CTNNBIP1: variants seen among roughly 807,000 people sequenced by gnomAD.
CTNNBIP1 encodes the protein catenin beta interacting protein 1, also known as beta-catenin-interacting protein 1.
A neutral mutation model predicts 11.8 loss-of-function variants in CTNNBIP1; 7 were observed. The ratio of observed to expected loss-of-function variants is 0.60; its 90% CI spans 0.34 to 1.12. The LOEUF (loss-of-function observed/expected upper bound fraction) is 1.12, where lower values mean the gene tolerates loss of function less well. Among genes scored for constraint, CTNNBIP1 ranks in the 50% most tolerant of loss-of-function variants. The probability of loss-of-function intolerance (pLI) is 0.03; values close to 1 mark genes in which losing one functional copy is unlikely to be tolerated. For synonymous variants in CTNNBIP1, 58 were observed against 43.9 expected (o/e 1.32, Z -1.26); for missense variants, 101 against 113.4 (o/e 0.89, Z 0.50).
chr1:9,894,033 C>G (rs1439219473), intron 1 of CTNNBIP1, among the ~76,000 whole-genome samples: 1 of 152,166 alleles, frequency 6.6e-6, no homozygotes, highest in Admixed American at 6.5e-5. Flanking sequence ...AAATCAATTC[C>G]AGATGGAACA....
At chr1:9,893,639 T>C (rs889786975) in intron 1 of CTNNBIP1, among the ~76,000 whole-genome samples, 1 of 152,090 alleles carries the variant, frequency 6.6e-6, no homozygotes, top group African/African-American at 2.4e-5. Context: ...TGGAAGAGGG[T>C]TAATTACACG....
In CTNNBIP1 at chr1:9,851,531, C is replaced by T. The variant is rs947522647; in HGVS notation, c.188-755G>A. Among the ~76,000 whole-genome samples, 2 of 152,000 alleles carry T rather than the reference C, an allele frequency of 1.3e-5. No homozygotes were observed. Among genetic ancestry groups the T allele is most frequent in the Non-Finnish European group, 2.9e-5 (2 of 68,006 alleles). ...GATTACAGGTGTGCATCACCACGCCCGGCTAATTTTTTTGTATTTTTAGTA... is the reference window on the plus strand; with the variant it reads ...GATTACAGGTGTGCATCACCACGCCTGGCTAATTTTTTTGTATTTTTAGTA... On this transcript the variant is annotated intron_variant, in intron 5 of 5. Transcript: ENST00000377263. The surrounding 1 kb of genome is among the most constrained non-coding windows in gnomAD (Gnocchi z 4.8).
chr1:9,871,235 C>T lies in CTNNBIP1; in HGVS notation c.139G>A (p.Val47Met). The change falls in exon 5 of 6, where the codon GTG (valine) becomes ATG (methionine). Residue 47 changes from valine to methionine, a missense_variant. Val to Met is a conservative substitution (Grantham distance 21, BLOSUM62 1). Coordinates refer to ENST00000377263, the MANE Select transcript of CTNNBIP1 (RefSeq NM_020248.3). The surrounding 1 kb of genome is among the most constrained non-coding windows in gnomAD (Gnocchi z 5.2). ...EEEFLRTYAG[V>M]VNSQLSQLPP... ...AGCTGGCTGAGCTGGCTGTTGACCA[C>T]CCCTGCATAGGTGCGCAGGAACTCC... The T allele has an allele frequency of 6.3e-7, 1 of 1,582,078 alleles. No homozygotes were observed. Among genetic ancestry groups the T allele is most frequent in the South Asian group, 1.2e-5 (1 of 86,028 alleles).
intron 5 of CTNNBIP1, among the ~76,000 whole-genome samples, chr1:9,865,694 G>A (rs551835858): frequency 2.7e-4 from 41 of 152,332 alleles, no homozygotes; most frequent in African/African-American, 8.9e-4. Flanking sequence ...ATGTATGCAT[G>A]TTTGTGAAAG....
chr1:9,863,179 C>A (rs1390308167), intron 5 of CTNNBIP1, among the ~76,000 whole-genome samples: 1 of 152,198 alleles, frequency 6.6e-6, no homozygotes, highest in East Asian at 1.9e-4. Flanking sequence ...GCACATTCCT[C>A]GCTTTTCTTG....
At chr1:9,906,305 C>T (rs554175485) in intron 1 of CTNNBIP1, among the ~76,000 whole-genome samples, 97 of 152,248 alleles carry the variant, frequency 6.4e-4, no homozygotes, top group African/African-American at 2.3e-3. Flanking sequence ...CGCCTGTAAT[C>T]CCAACACTTT....
At chr1:9,852,027 T>C (rs1001470446) in intron 5 of CTNNBIP1, among the ~76,000 whole-genome samples, 5 of 152,184 alleles carry the variant, frequency 3.3e-5, no homozygotes, top group African/African-American at 4.8e-5. Context: ...TCTGTGCTAC[T>C]GCAGGTATTC....
At chr1:9,903,403 C>A (rs1639559172) in intron 1 of CTNNBIP1, among the ~76,000 whole-genome samples, 1 of 152,214 alleles carries the variant, frequency 6.6e-6, no homozygotes, top group Admixed American at 6.5e-5. Flanking sequence ...AATGGAGCCA[C>A]AGGTATGACC....
intron 1 of CTNNBIP1, among the ~76,000 whole-genome samples, chr1:9,888,230 A>G (rs1639225249): frequency 6.6e-6 from 1 of 152,028 alleles, no homozygotes; most frequent in Non-Finnish European, 1.5e-5. Flanking sequence ...CAGGAGTTTG[A>G]GCCTGGGCAA....
intron 5 of CTNNBIP1, among the ~76,000 whole-genome samples, chr1:9,866,936 AAG>A (rs1158408736): frequency 1.3e-5 from 2 of 152,048 alleles, no homozygotes; most frequent in Non-Finnish European, 2.9e-5. Context: ...GTTCCTGAGG[AAG>A]AGAGGAGTCG....
At chr1:9,861,194 C>T (rs897052940) in intron 5 of CTNNBIP1, among the ~76,000 whole-genome samples, 15 of 152,236 alleles carry the variant, frequency 9.9e-5, no homozygotes, top group African/African-American at 3.4e-4. Context: ...TTAATACCAA[C>T]TAGCATCTGC....
intron 1 of CTNNBIP1, among the ~76,000 whole-genome samples, chr1:9,884,836 C>T (rs1639153201): frequency 6.6e-6 from 1 of 151,912 alleles, no homozygotes; most frequent in African/African-American, 2.4e-5. Context: ...GACGGGAAGA[C>T]AGTGAGGGAG....
At position 9,849,902 on chromosome 1, in the gene CTNNBIP1, C is replaced by G. The variant is rs1456492640; in HGVS notation, c.*816G>C. 6.6e-6 allele frequency: 1 copy of G among 152,202 alleles called. No individual in the cohort carries two copies. Among genetic ancestry groups the G allele is most frequent in the Non-Finnish European group, 1.5e-5 (1 of 68,088 alleles). 9.4% of individuals were successfully genotyped at this position (152,202 alleles called of 1,614,324 possible). On this transcript the variant is annotated 3_prime_UTR_variant, in exon 6 of 6. Coordinates refer to ENST00000377263, the MANE Select transcript of CTNNBIP1 (RefSeq NM_020248.3). The stretch of plus-strand genomic sequence containing the variant: ...CAAAGCTCCTCAGGGGCCCAACTTT[C>G]CAGCTGTGGACCCTGCTCAGGGTTC...
intron 5 of CTNNBIP1, among the ~76,000 whole-genome samples, chr1:9,855,623 T>C (rs1638484972): frequency 6.6e-6 from 1 of 151,994 alleles, no homozygotes; most frequent in Non-Finnish European, 1.5e-5. Context: ...TCTAAAAAAA[T>C]TAACCTGAAA....
At chr1:9,868,686 G>A (rs892512736) in intron 5 of CTNNBIP1, among the ~76,000 whole-genome samples, 57 of 152,158 alleles carry the variant, frequency 3.7e-4, no homozygotes, top group African/African-American at 1.3e-3. Context: ...GGAGTAAAGT[G>A]GTGTGATCTT....
At position 9,867,764 on chromosome 1, in the gene CTNNBIP1, G is replaced by T. The variant is rs1028921728; in HGVS notation, c.187+3423C>A. 6.6e-6 allele frequency among the ~76,000 whole-genome samples: 1 copy of T among 152,208 alleles called. No individual in the cohort carries two copies. The highest frequency in any genetic ancestry group is 2.4e-5 in the African/African-American group (1 of 41,440). On this transcript the variant is annotated intron_variant, in intron 5 of 5. Coordinates refer to ENST00000377263, the MANE Select transcript of CTNNBIP1 (RefSeq NM_020248.3). This position sits in a 1 kb window ranked among gnomAD's most constrained non-coding sequence, Gnocchi z 4.6. ...GCTCTGGCCCCCGCATCCTGCCCCA[G>T]TCCCTGGAGACAACAATCCAGGGCT...
At chr1:9,904,376 C>A (rs1450937544) in intron 1 of CTNNBIP1, among the ~76,000 whole-genome samples, 1 of 152,142 alleles carries the variant, frequency 6.6e-6, no homozygotes, top group African/African-American at 2.4e-5. Flanking sequence ...CAATGGCACC[C>A]AGTCTAAAGA....
chr1:9,859,112 C>T (rs1034103489), intron 5 of CTNNBIP1, among the ~76,000 whole-genome samples: 10 of 152,152 alleles, frequency 6.6e-5, no homozygotes, highest in Non-Finnish European at 1.2e-4. Context: ...TGGCCCCCTG[C>T]CCCCAACTGG....
intron 1 of CTNNBIP1, among the ~76,000 whole-genome samples, chr1:9,905,587 TA>T (rs1364554505): frequency 2.6e-5 from 4 of 151,428 alleles, no homozygotes; most frequent in Admixed American, 6.6e-5. Context: ...CATGCCCGGC[TA>T]ATTTTTTTTT....
Sources: allele counts gnomAD v4.1 joint callset (sites outside exome capture counted in the v4.1 genomes callset), GRCh38; gene constraint gnomAD v4.1.1; non-coding constraint Gnocchi (gnomAD v3.1); transcripts MANE v1.5; gene names NCBI Gene and HGNC (gene_info 2026-07-23, HGNC 2026-07-21).